Variants in GALNT17 observed in about 807,000 individuals in gnomAD.
GALNT17 encodes UDP-GalNAc:polypeptide N-acetylgalactosaminyltransferase-like 3.
In GALNT17, 29 loss-of-function variants were observed where a neutral mutation model predicts 63.7. That is an observed-to-expected ratio of 0.46 (90% confidence interval 0.34 to 0.62). The LOEUF (loss-of-function observed/expected upper bound fraction) is 0.62, where lower values mean the gene tolerates loss of function less well. GALNT17 is among the 20% of genes least tolerant of loss of function. The pLI, the probability that GALNT17 is intolerant of heterozygous loss-of-function variation, is 0.01. For missense variants in GALNT17, 603 were observed against 799.6 expected (o/e 0.75, Z 2.97); for synonymous variants, 305 against 318.3 (o/e 0.96, Z 0.45).
intron 5 of GALNT17, among the ~76,000 whole-genome samples, chr7:71,427,471 A>G (rs1786781021): frequency 6.6e-6 from 1 of 151,886 alleles, no homozygotes; most frequent in Non-Finnish European, 1.5e-5. Flanking sequence ...TTCAATGTCC[A>G]CACCACATTG....
chr7:71,707,780 C>G (rs1791741047), intron 9 of GALNT17, among the ~76,000 whole-genome samples: 1 of 152,192 alleles, frequency 6.6e-6, no homozygotes, highest in African/African-American at 2.4e-5. Flanking sequence ...CTTACTGTTC[C>G]AAGAGACTGA....
At chr7:71,205,574 C>T (rs1185213687) in intron 1 of GALNT17, among the ~76,000 whole-genome samples, 1 of 152,136 alleles carries the variant, frequency 6.6e-6, no homozygotes, top group East Asian at 1.9e-4. Flanking sequence ...AGGCACGCTC[C>T]ACCACACGCT....
At position 71,542,695 on chromosome 7, in the gene GALNT17, CA is replaced by C. The variant is rs10664146; in HGVS notation, c.963-28574del. On this transcript the variant is annotated intron_variant, in intron 5 of 10. Transcript: ENST00000333538. ...TGAGCGACAGAGTGAGACTCCCTGT[CA>C]AAAAAAAAAAAAAAAGATAACGATA... Among the ~76,000 whole-genome samples, 632 of 120,392 alleles carry C rather than the reference CA, an allele frequency of 5.2e-3. 3 individuals carry two copies. The highest frequency in any genetic ancestry group is 0.013 in the Admixed American group (140 of 10,816). 79.0% of individuals were successfully genotyped at this position (120,392 alleles called of 152,430 possible). A position where few individuals can be genotyped will look rare whatever the true frequency, so the allele number is the denominator to read the frequency against.
chr7:71,321,867 T>C (rs1466927661), intron 1 of GALNT17, among the ~76,000 whole-genome samples: 6 of 46,830 alleles, frequency 1.3e-4, no homozygotes, highest in African/African-American at 1.5e-4. Flanking sequence ...CCTTCCTTCC[T>C]TTCCTTCCTT....
chr7:71,523,444 A>G (rs1271952716), intron 5 of GALNT17, among the ~76,000 whole-genome samples: 2 of 151,960 alleles, frequency 1.3e-5, no homozygotes, highest in African/African-American at 2.4e-5. Flanking sequence ...AGAGAAAAGA[A>G]CAGAGAAAGA....
At position 71,670,093 on chromosome 7, in the gene GALNT17, C is replaced by T; in HGVS notation, c.1388C>T (p.Thr463Ile). ...VYPEMRRYNN[T>I]VAYGELRNNK... ...CCAGAAATGAGAAGATACAATAATACCGTTGCTTACGGGGAGGTAATTCAG... is the reference window on the plus strand; with the variant it reads ...CCAGAAATGAGAAGATACAATAATATCGTTGCTTACGGGGAGGTAATTCAG... Residue 463 changes from threonine (T) to isoleucine (I), a missense_variant, in exon 8 of 11, where the codon ACC becomes ATC. Thr to Ile is a moderately conservative substitution (Grantham distance 89). Around this residue, in one of 3 missense-constraint regions of GALNT17, gnomAD observed 336 missense variants for 507.8 expected, o/e 0.66. Transcript: ENST00000333538. 1 of 1,614,076 alleles carries T rather than the reference C, an allele frequency of 6.2e-7. No homozygotes were observed. Among genetic ancestry groups the T allele is most frequent in the Non-Finnish European group, 8.5e-7 (1 of 1,179,966 alleles).
chr7:71,141,787 C>A (rs1787897402), intron 1 of GALNT17, among the ~76,000 whole-genome samples: 1 of 150,972 alleles, frequency 6.6e-6, no homozygotes, highest in African/African-American at 2.4e-5. Flanking sequence ...AGTGATCCTC[C>A]TGCCTCAGCC....
chr7:71,153,981 T>C (rs1438838055), intron 1 of GALNT17, among the ~76,000 whole-genome samples: 3 of 152,064 alleles, frequency 2.0e-5, no homozygotes. Flanking sequence ...ATTTGACACT[T>C]TCCCCATCAA....
chr7:71,420,530 G>A (rs926604267), intron 4 of GALNT17, among the ~76,000 whole-genome samples: 6 of 152,200 alleles, frequency 3.9e-5, no homozygotes, highest in African/African-American at 1.2e-4. Context: ...GGAAACTGAC[G>A]ACACTGTATA....
At chr7:71,371,126 G>A (rs905571124) in intron 2 of GALNT17, among the ~76,000 whole-genome samples, 2 of 152,090 alleles carry the variant, frequency 1.3e-5, no homozygotes, top group African/African-American at 4.8e-5. Context: ...GCAATTGTAG[G>A]GTAACACAGT....
At chr7:71,659,086 A>G (rs965911074) in intron 6 of GALNT17, among the ~76,000 whole-genome samples, 3 of 152,158 alleles carry the variant, frequency 2.0e-5, no homozygotes, top group Non-Finnish European at 4.4e-5. Flanking sequence ...CTCATTTACA[A>G]CAAAGATCAA....
chr7:71,276,728 T>C (rs1217417954), intron 1 of GALNT17, among the ~76,000 whole-genome samples: 1 of 152,186 alleles, frequency 6.6e-6, no homozygotes, highest in East Asian at 1.9e-4. Flanking sequence ...CCGGGTATGG[T>C]TGCTCACACC....
intron 9 of GALNT17, among the ~76,000 whole-genome samples, chr7:71,703,118 G>A (rs1015979465): frequency 6.6e-6 from 1 of 152,368 alleles, no homozygotes; most frequent in African/African-American, 2.4e-5. Context: ...CTCCAAGAAA[G>A]TGACTACATA....
At chr7:71,495,974 C>G (rs1269995940) in intron 5 of GALNT17, among the ~76,000 whole-genome samples, 1 of 152,166 alleles carries the variant, frequency 6.6e-6, no homozygotes, top group Non-Finnish European at 1.5e-5. Flanking sequence ...TTCGTGATGT[C>G]CGCTGCTGCC....
intron 1 of GALNT17, among the ~76,000 whole-genome samples, chr7:71,272,922 G>A (rs1331639711): frequency 6.7e-6 from 1 of 149,774 alleles, no homozygotes; most frequent in Non-Finnish European, 1.5e-5. Flanking sequence ...CTACCGGAGA[G>A]CAAAGAAGAG....
At chr7:71,614,881 A>G (rs1469228069) in intron 6 of GALNT17, among the ~76,000 whole-genome samples, 1 of 125,404 alleles carries the variant, frequency 8.0e-6, no homozygotes, top group Admixed American at 8.2e-5. Context: ...ACAGGGAGGG[A>G]AGGGAGGGAG....
At chr7:71,679,787 A>C (rs1018327670) in intron 9 of GALNT17, among the ~76,000 whole-genome samples, 4 of 151,880 alleles carry the variant, frequency 2.6e-5, no homozygotes, top group Admixed American at 2.0e-4. Context: ...GGCTGCGACA[A>C]CACCAGCTCC....
chr7:71,517,783 A>T (rs556999569), intron 5 of GALNT17, among the ~76,000 whole-genome samples: 1 of 152,302 alleles, frequency 6.6e-6, no homozygotes, highest in Non-Finnish European at 1.5e-5. Context: ...GCACTTACAC[A>T]CTACAGTAGG....
chr7:71,280,274 T>G (rs560519036), intron 1 of GALNT17, among the ~76,000 whole-genome samples: 1 of 152,282 alleles, frequency 6.6e-6, no homozygotes, highest in East Asian at 1.9e-4. Flanking sequence ...TCCTTTCATC[T>G]TCATGGTTTC....
Sources: allele counts gnomAD v4.1 joint callset (sites outside exome capture counted in the v4.1 genomes callset), GRCh38; gene constraint gnomAD v4.1.1; regional missense constraint gnomAD v4.1.1; transcripts MANE v1.5; gene names NCBI Gene and HGNC (gene_info 2026-07-23, HGNC 2026-07-21).